The following PIPOX variants were observed in gnomAD, a reference collection of about 807,000 sequenced individuals.
PIPOX encodes peroxisomal sarcosine oxidase.
A neutral mutation model predicts 47.9 loss-of-function variants in PIPOX; 45 were observed. That is an observed-to-expected ratio of 0.94 (90% CI 0.74 to 1.20). PIPOX has a LOEUF of 1.20. Ranked by LOEUF, PIPOX falls within the 50% of genes most tolerant of loss-of-function variation. The probability of loss-of-function intolerance (pLI) is 0.00; values close to 1 mark genes in which losing one functional copy is unlikely to be tolerated. For missense variants in PIPOX, 458 were observed against 498.4 expected (o/e 0.92, Z 0.77); for synonymous variants, 165 against 191.3 (o/e 0.86, Z 1.13).
chr17:29,053,492 T>C lies in PIPOX; in HGVS notation c.557T>C (p.Val186Ala). The change falls in exon 4 of 8, where the codon GTG (valine) becomes GCG (alanine). Residue 186 changes from valine to alanine, a missense_variant. By Grantham distance (64) the Val-to-Ala change is moderately conservative (BLOSUM62 0). Transcript: ENST00000323372. Reference sequence around the variant, plus strand: ...ATAAACCCAGGGCTACTGGTCACGGTGAAAACCACCTCCAGGAGCTACCAA... The same window carrying C: ...ATAAACCCAGGGCTACTGGTCACGGCGAAAACCACCTCCAGGAGCTACCAA... ...VEINPGLLVTVKTTSRSYQAK... is the reference protein window; with the variant it reads ...VEINPGLLVTAKTTSRSYQAK... The C allele has an allele frequency of 2.5e-6, 4 of 1,614,110 alleles. No homozygotes were observed. Among genetic ancestry groups the C allele is most frequent in the Non-Finnish European group, 2.5e-6 (3 of 1,179,968 alleles).
chr17:29,052,002 G>A (rs746388116), intron 2 of PIPOX: 1 of 471,112 alleles, frequency 2.1e-6, no homozygotes, highest in South Asian at 1.5e-5. Context: ...AGGAATCTGG[G>A]CCCAGAGAGG....
chr17:29,043,888 GGCCTTATTTTTCCTGCTACGCAGT>G (rs2065775661), intron 1 of PIPOX, among the ~76,000 whole-genome samples: 1 of 152,088 alleles, frequency 6.6e-6, no homozygotes, highest in South Asian at 2.1e-4. Flanking sequence ...GTGAGACTGA[GGCCTTATTTTTCCTGCTACGCAGT>G]GCAGTCTGCA....
At position 29,056,290 on chromosome 17, in the gene PIPOX, C is replaced by G; in HGVS notation, c.1158C>G (p.Gly386=). The change falls in exon 8 of 8, where the codon GGC becomes GGG. Residue 386 remains glycine (G), a synonymous_variant. Coordinates refer to ENST00000323372, the MANE Select transcript of PIPOX (RefSeq NM_016518.3). ...GAATCAGCCGTTTCCCAAGCCTGGG[C>G]AAAGCCCACCTTTGACCTCTGGCCA... ...PFRISRFPSL[G]KAHL is the part of the protein sequence containing the mutation. 6.2e-7 allele frequency: 1 copy of G among 1,614,240 alleles called. No homozygotes were observed. The highest frequency in any genetic ancestry group is 8.5e-7 in the Non-Finnish European group (1 of 1,180,044).
intron 6 of PIPOX, 25 bp from the exon 7 acceptor site, chr17:29,055,788 A>C: frequency 6.3e-7 from 1 of 1,598,338 alleles, no homozygotes. Flanking sequence ...CTCAAAGAAC[A>C]CAAGGTGTGA....
intron 1 of PIPOX, 57 bp downstream of exon 1, chr17:29,043,396 C>A: frequency 1.6e-6 from 2 of 1,286,900 alleles, no homozygotes; most frequent in Non-Finnish European, 2.2e-6. Flanking sequence ...TCCTCCCCTG[C>A]AGAAGGGTTT....
intron 4 of PIPOX, among the ~76,000 whole-genome samples, chr17:29,053,930 C>G (rs1446413899): frequency 6.6e-6 from 1 of 152,124 alleles, no homozygotes; most frequent in Non-Finnish European, 1.5e-5. Context: ...CCTGTAATTC[C>G]AGCACTCTGG....
rs1242428378 is a variant in PIPOX, at chr17:29,044,973, C to T, written c.229C>T (p.Gln77Ter). The T allele has an allele frequency of 6.2e-7, 1 of 1,611,962 alleles. No homozygotes were observed. Among genetic ancestry groups the T allele is most frequent in the East Asian group, 2.2e-5 (1 of 44,786 alleles). The change falls in exon 2 of 8, where the codon CAG (glutamine) becomes TAG (stop). Residue 77 changes from glutamine (Q) to a stop codon, truncating the protein, a stop_gained. Coordinates refer to ENST00000323372, the MANE Select transcript of PIPOX (RefSeq NM_016518.3). LOFTEE classifies it high-confidence loss of function. Reference protein sequence around the residue: ...MMHECYQIWAQLEHEAGTQLH... With the variant: ...MMHECYQIWA ...GCATGAGTGCTATCAGATATGGGCC[C>T]AGCTGGAGCACGAGGCTGGAACCCA...
At position 29,057,109 on chromosome 17, in the gene PIPOX, T is replaced by C. The variant is rs1197784507; in HGVS notation, c.*804T>C. On this transcript the variant is annotated 3_prime_UTR_variant, in exon 8 of 8. Coordinates refer to ENST00000323372, the MANE Select transcript of PIPOX (RefSeq NM_016518.3). ...TCAGAGATCACTACTGCTCTTGGAGTTCCTTCTCCTAAAGCTAAGGCCAGC... is the reference window on the plus strand; with the variant it reads ...TCAGAGATCACTACTGCTCTTGGAGCTCCTTCTCCTAAAGCTAAGGCCAGC... The C allele has an allele frequency of 2.0e-5, 3 of 152,012 alleles. No homozygotes were observed. The highest frequency in any genetic ancestry group is 4.4e-5 in the Non-Finnish European group (3 of 68,014). 9.4% of individuals were successfully genotyped at this position (152,012 alleles called of 1,614,324 possible). A position where few individuals can be genotyped will look rare whatever the true frequency, so the allele number is the denominator to read the frequency against.
intron 1 of PIPOX, chr17:29,044,318 A>G (rs1340525155): frequency 6.6e-6 from 1 of 152,220 alleles, no homozygotes; most frequent in Non-Finnish European, 1.5e-5. Flanking sequence ...GTGAGGTGAG[A>G]TTGCAGCAGG....
At chr17:29,055,536 C>T (rs1374901616) in intron 6 of PIPOX, among the ~76,000 whole-genome samples, 2 of 152,198 alleles carry the variant, frequency 1.3e-5, no homozygotes, top group Non-Finnish European at 2.9e-5. Context: ...AGAGAAGAGA[C>T]AGATGTCACC....
intron 2 of PIPOX, among the ~76,000 whole-genome samples, chr17:29,051,673 C>T (rs1256572580): frequency 6.6e-6 from 1 of 152,136 alleles, no homozygotes; most frequent in Non-Finnish European, 1.5e-5. Flanking sequence ...AGCTTTCACT[C>T]CCTTAGGGAG....
chr17:29,056,094 C>T, intron 7 of PIPOX, 81 bp from the exon 8 acceptor site: 1 of 1,562,616 alleles, frequency 6.4e-7, no homozygotes. Flanking sequence ...ACAGTCAGCC[C>T]TGTCTGGGTA....
rs762872045 is a variant in PIPOX at position 29,053,058 on chromosome 17, G to A, written c.402G>A (p.Leu134=). The A allele has an allele frequency of 3.1e-6, 5 of 1,614,258 alleles. No individual in the cohort carries two copies. In the East Asian group the frequency reaches 1.1e-4, roughly 36 times the overall value. Residue 134 remains leucine, a synonymous_variant, in exon 3 of 8, where the codon TTG becomes TTA. Transcript: ENST00000323372. ...ELKQRFPNIR[L]PRGEVGLLDN... is the part of the protein sequence containing the mutation. Reference sequence around the variant, plus strand: ...AGCAACGTTTCCCAAATATTCGGTTGCCCAGGGGAGAAGTGGGGCTCTTGG... The same window carrying A: ...AGCAACGTTTCCCAAATATTCGGTTACCCAGGGGAGAAGTGGGGCTCTTGG...
At chr17:29,052,412 T>C (rs2065809779) in intron 2 of PIPOX, among the ~76,000 whole-genome samples, 1 of 152,304 alleles carries the variant, frequency 6.6e-6, no homozygotes, top group East Asian at 1.9e-4. Context: ...GACTTGGGAA[T>C]GGGCTGGAAA....
At chr17:29,053,210 A>AC in intron 3 of PIPOX, 77 bp downstream of exon 3, 1 of 1,426,836 alleles carries the variant, frequency 7.0e-7, no homozygotes, top group East Asian at 2.3e-5. Context: ...CCAGCCCAAG[A>AC]CCCCCCTCTG....
In PIPOX at chr17:29,044,886, T is replaced by TC. The variant is rs780551888; in HGVS notation, c.145dup (p.His49ProfsTer22). 10 of 1,613,414 alleles carry TC rather than the reference T, an allele frequency of 6.2e-6. No individual in the cohort carries two copies. The South Asian group carries it at 1.1e-4, about 18-fold the overall frequency. On this transcript the variant is annotated frameshift_variant, in exon 2 of 8. Transcript: ENST00000323372. LOFTEE classifies it high-confidence loss of function. ...CTTTCTACCACACTCCCGAGGAAGC[T>TC]CCCATGGACAAAGCCGGATAATCCG... is the stretch of plus-strand genomic sequence containing the variant.
At position 29,056,226 on chromosome 17, in the gene PIPOX, G is replaced by A. The variant is rs1249638731; in HGVS notation, c.1094G>A (p.Ser365Asn). Reference protein sequence around the residue: ...PVVGKILYELSMKLTPSYDLA... With the variant: ...PVVGKILYELNMKLTPSYDLA... ...GTGGGGAAGATCCTGTATGAATTAAGCATGAAATTAACACCATCTTATGAC... is the reference window on the plus strand; with the variant it reads ...GTGGGGAAGATCCTGTATGAATTAAACATGAAATTAACACCATCTTATGAC... Residue 365 changes from serine to asparagine, a missense_variant, in exon 8 of 8, where the codon AGC (serine) becomes AAC (asparagine). Coordinates refer to ENST00000323372, the MANE Select transcript of PIPOX (RefSeq NM_016518.3). 1 of 1,614,164 alleles carries A rather than the reference G, an allele frequency of 6.2e-7. No individual in the cohort carries two copies. Among genetic ancestry groups the A allele is most frequent in the Non-Finnish European group, 8.5e-7 (1 of 1,180,008 alleles).
In PIPOX at chr17:29,046,490, T is replaced by C. The variant is rs1387842671; in HGVS notation, c.263+1483T>C. The C allele has an allele frequency of 1.2e-5, 8 of 663,420 alleles. No homozygotes were observed. In the East Asian group the frequency reaches 1.1e-3, roughly 90 times the overall value. The allele number at this position is 663,420 out of a possible 1,614,324, so 41.1% of individuals were successfully genotyped here. A position where few individuals can be genotyped will look rare whatever the true frequency, so the allele number is the denominator to read the frequency against. On this transcript the variant is annotated intron_variant, in intron 2 of 7. Coordinates refer to ENST00000323372, the MANE Select transcript of PIPOX (RefSeq NM_016518.3). ...CTTCTCTGTGCCTCACTTTTTACGA[T>C]AGGGCTCTGAGAGGATTAAATGAGA... is the stretch of plus-strand genomic sequence containing the variant.
chr17:29,052,413 G>A (rs949888549), intron 2 of PIPOX, among the ~76,000 whole-genome samples: 17 of 152,206 alleles, frequency 1.1e-4, no homozygotes, highest in African/African-American at 4.1e-4. Flanking sequence ...ACTTGGGAAT[G>A]GGCTGGAAAT....
Sources: allele counts gnomAD v4.1 joint callset (sites outside exome capture counted in the v4.1 genomes callset), GRCh38; gene constraint gnomAD v4.1.1; transcripts MANE v1.5; gene names NCBI Gene and HGNC (gene_info 2026-07-23, HGNC 2026-07-21).